Variants in PPARD observed in about 807,000 individuals in gnomAD.
PPARD encodes the protein peroxisome proliferator-activated receptor delta.
In PPARD, 6 loss-of-function variants were observed where a neutral mutation model predicts 39.5. That is an observed-to-expected ratio of 0.15 (90% CI 0.08 to 0.30). PPARD has a LOEUF of 0.30. PPARD is among the 10% of genes least tolerant of loss of function. The probability of loss-of-function intolerance (pLI) is 1.00; values close to 1 mark genes in which losing one functional copy is unlikely to be tolerated. For synonymous variants in PPARD, 210 were observed against 231.3 expected, an observed-to-expected ratio of 0.91 and a Z score of 0.83; for missense variants, 397 against 596.8, an observed-to-expected ratio of 0.67 and a Z score of 3.49.
chr6:35,349,342 T>G (rs1486443402), intron 2 of PPARD, among the ~76,000 whole-genome samples: 1 of 152,152 alleles, frequency 6.6e-6, no homozygotes, highest in Non-Finnish European at 1.5e-5. Flanking sequence ...TCTTTCTTGA[T>G]TGGGTACTGC....
At chr6:35,355,893 G>A (rs1033635291) in intron 2 of PPARD, among the ~76,000 whole-genome samples, 1 of 151,740 alleles carries the variant, frequency 6.6e-6, no homozygotes, top group Non-Finnish European at 1.5e-5. Context: ...TTACAGTCAT[G>A]AGCCACGATG....
At chr6:35,365,950 G>T (rs1349737078) in intron 2 of PPARD, among the ~76,000 whole-genome samples, 2 of 151,648 alleles carry the variant, frequency 1.3e-5, no homozygotes, top group Non-Finnish European at 2.9e-5. Context: ...ACTAGGGAAG[G>T]CTTCCAGAGG....
intron 2 of PPARD, among the ~76,000 whole-genome samples, chr6:35,395,007 G>C (rs1171781725): frequency 6.6e-6 from 1 of 152,120 alleles, no homozygotes; most frequent in Non-Finnish European, 1.5e-5. Context: ...GCATAGTAAA[G>C]ACAGAGCTGG....
At chr6:35,385,053 AGGTGACGGG>A (rs1763525335) in intron 2 of PPARD, among the ~76,000 whole-genome samples, 1 of 144,872 alleles carries the variant, frequency 6.9e-6, no homozygotes, top group Non-Finnish European at 1.5e-5. Context: ...CCCGTCCGGG[AGGTGACGGG>A]CGCCTCTGCC....
chr6:35,388,638 G>A (rs759273597), intron 2 of PPARD, among the ~76,000 whole-genome samples: 28 of 152,094 alleles, frequency 1.8e-4, no homozygotes, highest in Admixed American at 5.9e-4. Flanking sequence ...CTTGAACCTG[G>A]GATGCGGAGG....
In PPARD at chr6:35,426,119, A is replaced by C; in HGVS notation, c.*40A>C. The C allele has an allele frequency of 6.3e-7, 1 of 1,593,680 alleles. No individual in the cohort carries two copies. The highest frequency in any genetic ancestry group is 2.2e-5 in the East Asian group (1 of 44,740). The stretch of plus-strand genomic sequence containing the variant: ...CCTCCCTGCAGACTCCAATGGGGCC[A>C]GCACTGGAGGGGCCCACCCACATGA... On this transcript the variant is annotated 3_prime_UTR_variant, in exon 8 of 8. Transcript: ENST00000360694.
At chr6:35,378,014 C>A (rs1762917210) in intron 2 of PPARD, among the ~76,000 whole-genome samples, 1 of 151,948 alleles carries the variant, frequency 6.6e-6, no homozygotes, top group South Asian at 2.1e-4. Context: ...CAGGCGTGCA[C>A]CACCATGCCC....
Position 35,426,303 on chromosome 6 carries a change from G to A in PPARD, c.*224G>A, listed in dbSNP as rs9658167. The A allele has an allele frequency of 0.016, 9,589 of 591,982 alleles. 127 individuals are homozygous for A. The highest frequency in any genetic ancestry group is 0.031 in the Middle Eastern group (71 of 2,270). The allele number at this position is 591,982 out of a possible 1,614,324, so 36.7% of individuals were successfully genotyped here. A position where few individuals can be genotyped will look rare whatever the true frequency, so the allele number is the denominator to read the frequency against. ...GTCTTTGTTGTCTCCCTCTTTCTCA[G>A]TTCCTCTTTCTTTTCTAATTCCTGT... is the stretch of plus-strand genomic sequence containing the variant. On this transcript the variant is annotated 3_prime_UTR_variant, in exon 8 of 8. Coordinates refer to ENST00000360694, the MANE Select transcript of PPARD (RefSeq NM_006238.5).
intron 2 of PPARD, among the ~76,000 whole-genome samples, chr6:35,409,575 T>A (rs1765287953): frequency 6.6e-6 from 1 of 151,504 alleles, no homozygotes; most frequent in Admixed American, 6.6e-5. Flanking sequence ...TGTTTTATTT[T>A]AGGTTCAGGG....
At chr6:35,359,387 A>C (rs1761804725) in intron 2 of PPARD, among the ~76,000 whole-genome samples, 1 of 152,182 alleles carries the variant, frequency 6.6e-6, no homozygotes, top group Non-Finnish European at 1.5e-5. Context: ...AAACATAGTC[A>C]CTTAAAAATA....
chr6:35,348,015 C>A (rs1457319890), intron 2 of PPARD, among the ~76,000 whole-genome samples: 1 of 151,186 alleles, frequency 6.6e-6, no homozygotes, highest in Non-Finnish European at 1.5e-5. Flanking sequence ...TCAAGCGATT[C>A]TCCTACCTCA....
At chr6:35,362,945 C>T (rs1321870666) in intron 2 of PPARD, among the ~76,000 whole-genome samples, 1 of 152,230 alleles carries the variant, frequency 6.6e-6, no homozygotes, top group East Asian at 1.9e-4. Context: ...TCTGGTATAT[C>T]TGGCTACTGT....
rs1763949343 is a variant in PPARD, at chr6:35,390,546, C to T, written c.-101-20441C>T. Among the ~76,000 whole-genome samples, 3 of 152,150 alleles carry T rather than the reference C, an allele frequency of 2.0e-5. No individual in the cohort carries two copies. In the South Asian group the frequency reaches 6.2e-4, roughly 32 times the overall value. On this transcript the variant is annotated intron_variant, in intron 2 of 7. Transcript: ENST00000360694. Reference sequence around the variant, plus strand: ...ATTGAGGAACAAGTAATAGAAATTCCCTGGAATGCCCAAAATCATAACTTT... The same window carrying T: ...ATTGAGGAACAAGTAATAGAAATTCTCTGGAATGCCCAAAATCATAACTTT...
At position 35,400,597 on chromosome 6, in the gene PPARD, C is replaced by T. The variant is rs371968143; in HGVS notation, c.-101-10390C>T. On this transcript the variant is annotated intron_variant, in intron 2 of 7. Transcript: ENST00000360694. The stretch of plus-strand genomic sequence containing the variant: ...GGTGGATAACCTGAGCCCAGGAGTT[C>T]GAGACCAGCCTGGGCAACATGGCAA... Among the ~76,000 whole-genome samples the T allele has an allele frequency of 2.3e-4, 35 of 152,046 alleles. No individual in the cohort carries two copies. In the East Asian group the frequency reaches 6.6e-3, roughly 29 times the overall value.
At chr6:35,350,756 G>A (rs545663433) in intron 2 of PPARD, among the ~76,000 whole-genome samples, 3 of 151,832 alleles carry the variant, frequency 2.0e-5, no homozygotes, top group East Asian at 3.9e-4. Flanking sequence ...CTCCCAAGTA[G>A]CTGGGATTAC....
At chr6:35,358,109 C>T (rs540530402) in intron 2 of PPARD, among the ~76,000 whole-genome samples, 2 of 152,118 alleles carry the variant, frequency 1.3e-5, no homozygotes, top group African/African-American at 2.4e-5. Context: ...GGGGATTATC[C>T]TAGATTATCT....
intron 2 of PPARD, among the ~76,000 whole-genome samples, chr6:35,365,094 C>T (rs1013890076): frequency 2.0e-5 from 3 of 151,182 alleles, no homozygotes; most frequent in African/African-American, 7.3e-5. Context: ...ATATCTTGGC[C>T]ATCTTTGCAT....
At chr6:35,381,802 A>G (rs948868312) in intron 2 of PPARD, among the ~76,000 whole-genome samples, 1 of 152,252 alleles carries the variant, frequency 6.6e-6, no homozygotes, top group Non-Finnish European at 1.5e-5. Flanking sequence ...GTAAACAATT[A>G]GCAAGGTCTG....
rs9658138 is a variant in PPARD, at chr6:35,411,794, T to G, written c.130+577T>G. On this transcript the variant is annotated intron_variant, in intron 3 of 7. Coordinates refer to ENST00000360694, the MANE Select transcript of PPARD (RefSeq NM_006238.5). ...TCACTTATTGGTTCCCCTTTATTTATCAGCAGTGCAGACAGTTTTCTCTAG... is the reference window on the plus strand; with the variant it reads ...TCACTTATTGGTTCCCCTTTATTTAGCAGCAGTGCAGACAGTTTTCTCTAG... Among the ~76,000 whole-genome samples the G allele has an allele frequency of 5.9e-5, 9 of 152,352 alleles. No individual in the cohort carries two copies. In the East Asian group the frequency reaches 1.7e-3, roughly 29 times the overall value.
Sources: allele counts gnomAD v4.1 joint callset (sites outside exome capture counted in the v4.1 genomes callset), GRCh38; gene constraint gnomAD v4.1.1; transcripts MANE v1.5; gene names NCBI Gene and HGNC (gene_info 2026-07-23, HGNC 2026-07-21).